Variants in NRG3 observed in about 807,000 individuals in gnomAD.
NRG3 encodes neuregulin 3, also known as pro-neuregulin-3, membrane-bound isoform.
A neutral mutation model predicts 66.9 loss-of-function variants in NRG3; 31 were observed. The observed-to-expected ratio is 0.46, with a 90% CI of 0.35 to 0.63. NRG3 has a LOEUF of 0.63. Ranked by LOEUF, NRG3 falls within the 20% of genes least tolerant of loss-of-function variation. NRG3 has a pLI of 0.00. For synonymous variants in NRG3, 393 were observed against 359.4 expected, an observed-to-expected ratio of 1.09 and a Z score of -1.06; for missense variants, 910 against 878.9, an observed-to-expected ratio of 1.04 and a Z score of -0.45.
chr10:82,647,987 G>C (rs576499199), intron 2 of NRG3, among the ~76,000 whole-genome samples: 3 of 147,788 alleles, frequency 2.0e-5, no homozygotes, highest in Non-Finnish European at 4.5e-5. Context: ...TTCTTTTGCT[G>C]TGCAGAAGCT....
chr10:82,646,790 G>A (rs866688495), intron 2 of NRG3, among the ~76,000 whole-genome samples: 46 of 152,170 alleles, frequency 3.0e-4, no homozygotes, highest in African/African-American at 5.8e-4. Context: ...TGATTGGGCC[G>A]TCAGGGTTTG....
At chr10:82,841,663 C>G (rs1203196808) in intron 3 of NRG3, among the ~76,000 whole-genome samples, 1 of 152,118 alleles carries the variant, frequency 6.6e-6, no homozygotes, top group Non-Finnish European at 1.5e-5. Context: ...ATGAGGCCCT[C>G]ACAAACTATT....
intron 1 of NRG3, among the ~76,000 whole-genome samples, chr10:82,291,861 T>A (rs2079768009): frequency 6.6e-6 from 1 of 152,166 alleles, no homozygotes; most frequent in Non-Finnish European, 1.5e-5. Context: ...AACATAAAGC[T>A]ATAAAACTTT....
chr10:82,676,480 GT>G (rs1286571944), intron 2 of NRG3, among the ~76,000 whole-genome samples: 1 of 151,970 alleles, frequency 6.6e-6, no homozygotes, highest in South Asian at 2.1e-4. Context: ...TCTATTTGTG[GT>G]TTTTTTGTTT....
intron 4 of NRG3, among the ~76,000 whole-genome samples, chr10:82,878,609 G>A (rs1591810118): frequency 6.6e-6 from 1 of 152,170 alleles, no homozygotes; most frequent in Non-Finnish European, 1.5e-5. Flanking sequence ...ACTGGTCTTC[G>A]AGGAAAGAGC....
At chr10:82,066,112 C>G (rs991183481) in intron 1 of NRG3, among the ~76,000 whole-genome samples, 6 of 152,056 alleles carry the variant, frequency 3.9e-5, no homozygotes, top group Non-Finnish European at 8.8e-5. Context: ...ATGTCTTTTA[C>G]AAGTTAATGA....
At chr10:82,797,555 A>G (rs1164745352) in intron 3 of NRG3, among the ~76,000 whole-genome samples, 1 of 152,126 alleles carries the variant, frequency 6.6e-6, no homozygotes, top group African/African-American at 2.4e-5. Flanking sequence ...AGAAGCATCC[A>G]TCACTGCTTT....
chr10:82,825,631 C>G (rs2062165512), intron 3 of NRG3, among the ~76,000 whole-genome samples: 1 of 152,138 alleles, frequency 6.6e-6, no homozygotes, highest in Non-Finnish European at 1.5e-5. Flanking sequence ...GCTCTAAAAT[C>G]TATACTATTT....
chr10:81,934,093 C>T (rs1303780136), intron 1 of NRG3, among the ~76,000 whole-genome samples: 2 of 152,118 alleles, frequency 1.3e-5, no homozygotes, highest in African/African-American at 2.4e-5. Context: ...CCAGACAGAT[C>T]CCCAATTCAG....
intron 1 of NRG3, among the ~76,000 whole-genome samples, chr10:82,308,832 G>A (rs1002492189): frequency 1.3e-5 from 2 of 152,266 alleles, no homozygotes; most frequent in African/African-American, 2.4e-5. Flanking sequence ...AGCTAGAGCC[G>A]TGCGGTGGGT....
At chr10:82,929,017 G>A (rs1271231731) in intron 4 of NRG3, among the ~76,000 whole-genome samples, 1 of 152,150 alleles carries the variant, frequency 6.6e-6, no homozygotes, top group Non-Finnish European at 1.5e-5. Context: ...CTATCTATAG[G>A]AGAACCAATG....
At chr10:81,999,554 A>G (rs1288806267) in intron 1 of NRG3, among the ~76,000 whole-genome samples, 1 of 152,186 alleles carries the variant, frequency 6.6e-6, no homozygotes, top group Non-Finnish European at 1.5e-5. Flanking sequence ...AAAAATGTTC[A>G]AGTTTGTAAT....
At chr10:82,601,454 G>C (rs545187902) in intron 2 of NRG3, among the ~76,000 whole-genome samples, 10 of 152,304 alleles carry the variant, frequency 6.6e-5, no homozygotes, top group African/African-American at 2.2e-4. Context: ...TCTTTGGTTA[G>C]ATTTTTCTTT....
chr10:82,581,579 AATGGGAAATTATTGTTCT>A (rs2046358230), intron 2 of NRG3, among the ~76,000 whole-genome samples: 1 of 152,028 alleles, frequency 6.6e-6, no homozygotes, highest in Non-Finnish European at 1.5e-5. Flanking sequence ...GGATGAGGAG[AATGGGAAATTATTGTTCT>A]ATGGGTATAG....
intron 2 of NRG3, among the ~76,000 whole-genome samples, chr10:82,735,711 C>A (rs1343202651): frequency 6.6e-6 from 1 of 151,908 alleles, no homozygotes; most frequent in African/African-American, 2.4e-5. Flanking sequence ...ACAATGAAAG[C>A]ACATGGACAC....
chr10:82,827,029 G>A lies in NRG3; in HGVS notation c.1028-38382G>A, dbSNP rs556677019. ...TTATTGTTTGTCAGTATATAATAAC[G>A]TGTGTAAATTCCCATAGATATGCCT... On this transcript the variant is annotated intron_variant, in intron 3 of 8. Coordinates refer to ENST00000372141, the MANE Select transcript of NRG3 (RefSeq NM_001010848.4). 2.9e-5 allele frequency: 7 copies of A among 238,752 alleles called. 1 individual carries two copies. Among genetic ancestry groups the A allele is most frequent in the South Asian group, 1.3e-4 (3 of 22,750 alleles). 14.8% of individuals were successfully genotyped at this position (238,752 alleles called of 1,614,324 possible). A position where few individuals can be genotyped will look rare whatever the true frequency, so the allele number is the denominator to read the frequency against.
intron 1 of NRG3, among the ~76,000 whole-genome samples, chr10:82,280,881 G>C (rs1422904029): frequency 1.3e-5 from 2 of 152,204 alleles, no homozygotes; most frequent in East Asian, 1.9e-4. Context: ...ATCCTGTCCT[G>C]TGCCAGCATG....
chr10:82,736,288 T>C (rs924049717), intron 2 of NRG3, among the ~76,000 whole-genome samples: 1 of 152,246 alleles, frequency 6.6e-6, no homozygotes, highest in African/African-American at 2.4e-5. Flanking sequence ...TTGTCTTTAA[T>C]ATTGTTGTAA....
At chr10:82,887,539 A>T (rs1156998886) in intron 4 of NRG3, among the ~76,000 whole-genome samples, 2 of 152,242 alleles carry the variant, frequency 1.3e-5, no homozygotes, top group Admixed American at 6.5e-5. Context: ...AATGTGCATG[A>T]AAGCATGACA....
Sources: allele counts gnomAD v4.1 joint callset (sites outside exome capture counted in the v4.1 genomes callset), GRCh38; gene constraint gnomAD v4.1.1; transcripts MANE v1.5; gene names NCBI Gene and HGNC (gene_info 2026-07-23, HGNC 2026-07-21).